The following ZFHX3 variants were observed in gnomAD, a reference collection of about 807,000 sequenced individuals.
ZFHX3 encodes zinc finger homeobox 3.
Under a neutral mutation model 279.1 loss-of-function variants are expected in ZFHX3, and 42 were observed. That is an observed-to-expected ratio of 0.15 (90% confidence interval 0.12 to 0.19). ZFHX3 has a LOEUF of 0.19. Among genes scored for constraint, ZFHX3 ranks in the 10% least tolerant of loss-of-function variants. ZFHX3 has a pLI of 1.00. For synonymous variants in ZFHX3, 2,293 were observed against 1,957.8 expected (o/e 1.17, Z -4.52); for missense variants, 4,981 against 4,754.0 (o/e 1.05, Z -1.40).
chr16:73,445,511 G>T (rs1012029438), intron 3 of ZFHX3, among the ~76,000 whole-genome samples: 1 of 152,134 alleles, frequency 6.6e-6, no homozygotes, highest in Non-Finnish European at 1.5e-5. Context: ...AAGCAGGATA[G>T]TTCCAAATGG....
At position 72,797,458 on chromosome 16, in the gene ZFHX3, CTTG is replaced by C. The variant is rs34918837; in HGVS notation, c.5221_5223del (p.Gln1741del). ...GCCTGGGCCTGGGCCAGCGTTTGTGCTTGTTGTTGTTGTTGTTGTTGTTGTTGT... is the reference window on the plus strand; with the variant it reads ...GCCTGGGCCTGGGCCAGCGTTTGTGCTTGTTGTTGTTGTTGTTGTTGTTGT... On this transcript the variant is annotated inframe_deletion, in exon 9 of 10. Coordinates refer to ENST00000268489, the MANE Select transcript of ZFHX3 (RefSeq NM_006885.4). The C allele has an allele frequency of 2.1e-3, 3,193 of 1,550,582 alleles. 2 individuals are homozygous for C. The highest frequency in any genetic ancestry group is 6.4e-3 in the Middle Eastern group (37 of 5,822).
chr16:73,693,836 C>T (rs1319690598), intron 1 of ZFHX3, among the ~76,000 whole-genome samples: 1 of 152,080 alleles, frequency 6.6e-6, no homozygotes, highest in African/African-American at 2.4e-5. Flanking sequence ...CTGTGCGTTT[C>T]CACATCTCAT....
At chr16:73,358,466 T>G (rs2016381989) in intron 3 of ZFHX3, among the ~76,000 whole-genome samples, 1 of 151,978 alleles carries the variant, frequency 6.6e-6, no homozygotes, top group Admixed American at 6.6e-5. Flanking sequence ...GGCGAGTGAG[T>G]TCAGAAGCAG....
At chr16:73,124,184 C>A (rs1966532924) in intron 7 of ZFHX3, among the ~76,000 whole-genome samples, 1 of 152,098 alleles carries the variant, frequency 6.6e-6, no homozygotes, top group African/African-American at 2.4e-5. Context: ...ATACCATAAA[C>A]TGGGTAGCTT....
intron 4 of ZFHX3, among the ~76,000 whole-genome samples, chr16:72,870,084 G>A (rs1328227408): frequency 2.0e-5 from 3 of 152,152 alleles, no homozygotes; most frequent in African/African-American, 7.2e-5. Context: ...GTCATAAAAG[G>A]GCAAGACAGA....
intron 5 of ZFHX3, among the ~76,000 whole-genome samples, chr16:72,820,186 G>C (rs747057584): frequency 6.6e-6 from 1 of 152,212 alleles, no homozygotes; most frequent in Admixed American, 6.5e-5. Flanking sequence ...CTCTCTGGCA[G>C]GCTCTGGAAG....
chr16:73,008,185 T>A (rs1256845898), intron 1 of ZFHX3, among the ~76,000 whole-genome samples: 1 of 152,192 alleles, frequency 6.6e-6, no homozygotes, highest in African/African-American at 2.4e-5. Context: ...TTTATTTTCA[T>A]TTTCTTTAAT....
At chr16:73,843,218 G>A (rs1567428040) in intron 1 of ZFHX3, among the ~76,000 whole-genome samples, 2 of 152,204 alleles carry the variant, frequency 1.3e-5, no homozygotes, top group East Asian at 1.9e-4. Flanking sequence ...AGTGGGGAAC[G>A]GAGAACAAAG....
chr16:73,881,241 T>A (rs531144256), intron 1 of ZFHX3, among the ~76,000 whole-genome samples: 8 of 152,214 alleles, frequency 5.3e-5, no homozygotes, highest in Admixed American at 2.0e-4. Context: ...CATTTTCACA[T>A]AATGGATGGG....
chr16:72,949,305 G>C (rs1960857366), intron 3 of ZFHX3, among the ~76,000 whole-genome samples: 1 of 152,198 alleles, frequency 6.6e-6, no homozygotes. Context: ...GCGAGAAACA[G>C]TGTGAAAGGC....
Position 72,787,937 on chromosome 16 carries a change from T to C in ZFHX3, c.10339A>G (p.Lys3447Glu), listed in dbSNP as rs772392091. Residue 3447 changes from lysine (K) to glutamate (E), a missense_variant, in exon 10 of 10, where the codon AAA becomes GAA. Coordinates refer to ENST00000268489, the MANE Select transcript of ZFHX3 (RefSeq NM_006885.4). The stretch of plus-strand genomic sequence containing the variant: ...GGGTCGTAGAGGGAGTCCGCACTTT[T>C]GCTTTCTGCTTCTGGCTCTTCAGGG... The part of the protein sequence containing the change: ...KLPEEPEAES[K>E]SADSLYDPFI... 3.7e-6 allele frequency: 6 copies of C among 1,613,902 alleles called. No homozygotes were observed. The highest frequency in any genetic ancestry group is 2.2e-5 in the East Asian group (1 of 44,848).
chr16:72,846,013 T>A (rs2037470699), intron 4 of ZFHX3, among the ~76,000 whole-genome samples: 1 of 152,142 alleles, frequency 6.6e-6, no homozygotes, highest in African/African-American at 2.4e-5. Flanking sequence ...GTGCTGTCTG[T>A]CCATCCATCC....
At chr16:72,853,737 G>A (rs1372443733) in intron 4 of ZFHX3, among the ~76,000 whole-genome samples, 1 of 152,138 alleles carries the variant, frequency 6.6e-6, no homozygotes, top group East Asian at 1.9e-4. Context: ...GGGCGGGGAA[G>A]GAAGAAAAGG....
At chr16:73,744,683 G>T (rs184133216) in intron 1 of ZFHX3, among the ~76,000 whole-genome samples, 1 of 152,206 alleles carries the variant, frequency 6.6e-6, no homozygotes, top group South Asian at 2.1e-4. Flanking sequence ...GATGACTTCC[G>T]TGTCTCATTA....
At chr16:72,863,577 T>C (rs1459301696) in intron 4 of ZFHX3, among the ~76,000 whole-genome samples, 1 of 151,848 alleles carries the variant, frequency 6.6e-6, no homozygotes, top group African/African-American at 2.4e-5. Flanking sequence ...TGAAATGATA[T>C]AACCAAGATT....
chr16:73,468,943 AAAG>A (rs2018617702), intron 2 of ZFHX3, among the ~76,000 whole-genome samples: 1 of 152,190 alleles, frequency 6.6e-6, no homozygotes, highest in Non-Finnish European at 1.5e-5. Context: ...GAGGAGAAGG[AAAG>A]AAGAAGCTGT....
intron 4 of ZFHX3, among the ~76,000 whole-genome samples, chr16:73,287,443 G>T (rs1463848442): frequency 7.1e-6 from 1 of 140,484 alleles, no homozygotes; most frequent in Non-Finnish European, 1.6e-5. Flanking sequence ...GCCAGTGTGT[G>T]GGTGGTGGGT....
At chr16:73,155,885 A>C (rs560212703) in intron 5 of ZFHX3, among the ~76,000 whole-genome samples, 2 of 152,080 alleles carry the variant, frequency 1.3e-5, no homozygotes, top group Non-Finnish European at 2.9e-5. Flanking sequence ...ATGTCATTAT[A>C]TATAGTACAT....
Position 72,797,812 on chromosome 16 carries a change from C to T in ZFHX3, c.4870G>A (p.Ala1624Thr), listed in dbSNP as rs756112162. ...HMRSVLHQTKARAAKLEAASG... is the reference protein window; with the variant it reads ...HMRSVLHQTKTRAAKLEAASG... Reference sequence around the variant, plus strand: ...GCAGCCTCCAGCTTGGCTGCCCGGGCCTTGGTTTGATGTAACACAGACCTC... The same window carrying T: ...GCAGCCTCCAGCTTGGCTGCCCGGGTCTTGGTTTGATGTAACACAGACCTC... The change falls in exon 9 of 10, where the codon GCC (alanine) becomes ACC (threonine). Residue 1624 changes from alanine to threonine, a missense_variant. Ala to Thr is a moderately conservative substitution (Grantham distance 58). This residue lies in a region of ZFHX3 where 1,751 missense variants were observed against 1,770.0 expected (regional missense o/e 0.99). Coordinates refer to ENST00000268489, the MANE Select transcript of ZFHX3 (RefSeq NM_006885.4). 3.7e-6 allele frequency: 6 copies of T among 1,614,084 alleles called. No individual in the cohort carries two copies. The South Asian group carries it at 6.6e-5, about 18-fold the overall frequency.
Sources: gnomAD v4.1 joint callset for allele counts (sites outside exome capture counted in the v4.1 genomes callset) on GRCh38, gnomAD v4.1.1 for gene constraint, gnomAD v4.1.1 regional missense constraint, MANE v1.5 for transcripts, NCBI Gene and HGNC (gene_info 2026-07-23, HGNC 2026-07-21) for gene names.